The following HNRNPA3 variants were observed in gnomAD, a reference collection of about 807,000 sequenced individuals.
The protein encoded by HNRNPA3 is heterogeneous nuclear ribonucleoprotein A3.
Under a neutral mutation model 45.8 loss-of-function variants are expected in HNRNPA3, and 3 were observed. The ratio of observed to expected loss-of-function variants is 0.07; its 90% confidence interval spans 0.03 to 0.17. HNRNPA3 has a LOEUF of 0.17. HNRNPA3 is among the 10% of genes least tolerant of loss of function. The probability of loss-of-function intolerance (pLI) is 1.00; values close to 1 mark genes in which losing one functional copy is unlikely to be tolerated. For missense variants in HNRNPA3, 183 were observed against 480.3 expected (o/e 0.38, Z 5.79); for synonymous variants, 170 against 155.6 (o/e 1.09, Z -0.69).
At chr2:177,215,487 T>C in intron 1 of HNRNPA3, 52 bp from the exon 2 acceptor site, 2 of 1,581,646 alleles carry the variant, frequency 1.3e-6, no homozygotes, top group South Asian at 2.2e-5. Flanking sequence ...TCTTCGTGCA[T>C]CTTAATTCAT....
chr2:177,216,233 T>G, intron 4 of HNRNPA3, 45 bp downstream of exon 4: 1 of 1,317,710 alleles, frequency 7.6e-7, no homozygotes, highest in Non-Finnish European at 1.1e-6. Flanking sequence ...GTAGAACTGG[T>G]TTTTCTGTTT....
rs577533778 is a variant in HNRNPA3, at chr2:177,217,954, A to G, written c.961+109A>G. The G allele has an allele frequency of 3.7e-5, 41 of 1,105,840 alleles. No individual in the cohort carries two copies. In the South Asian group the frequency reaches 5.1e-4, roughly 14 times the overall value. The allele number at this position is 1,105,840 out of a possible 1,614,324, so 68.5% of individuals were successfully genotyped here. On this transcript the variant is annotated intron_variant, in intron 8 of 10. Transcript: ENST00000392524. The stretch of plus-strand genomic sequence containing the variant: ...AGCGTTTGATCAAATTTTATGTTCT[A>G]TAAGAAAAATACTAAAATGGTTGGT...
chr2:177,222,697 G>A (rs761036132), downstream of HNRNPA3: 6 of 152,344 alleles, frequency 3.9e-5, no homozygotes, highest in Non-Finnish European at 7.3e-5. Context: ...CCAGCTATTT[G>A]GGAGGCTGCC....
chr2:177,223,481 A>G (rs1020362391), downstream of HNRNPA3: 3 of 146,112 alleles, frequency 2.1e-5, no homozygotes. Context: ...TGCTTCTAAT[A>G]TTACACTTCT....
exon 11 of HNRNPA3, chr2:177,219,819 CTT>C (rs1196357320): frequency 6.6e-6 from 1 of 152,626 alleles, no homozygotes; most frequent in Non-Finnish European, 1.5e-5. Flanking sequence ...AGTACAGAAA[CTT>C]TAACAAAATG....
At chr2:177,216,413 T>C (rs773116942) in intron 4 of HNRNPA3, 90 bp from the exon 5 acceptor site, 88 of 903,814 alleles carry the variant, frequency 9.7e-5, no homozygotes, top group Non-Finnish European at 4.1e-5. Flanking sequence ...TATGTCTTAA[T>C]GGGTTACATA....
chr2:177,213,697 C>A (rs1351691438), intron 1 of HNRNPA3, among the ~76,000 whole-genome samples: 8 of 152,236 alleles, frequency 5.3e-5, no homozygotes, highest in Admixed American at 2.0e-4. Context: ...GCTCCGGCCG[C>A]TGAGGAGGGT....
chr2:177,223,053 G>A (rs552588798), downstream of HNRNPA3: 10 of 152,500 alleles, frequency 6.6e-5, no homozygotes, highest in Admixed American at 2.6e-4. Context: ...CAATTTAGTC[G>A]GATAGTTTAC....
intron 8 of HNRNPA3, 57 bp downstream of exon 8, chr2:177,217,902 C>T (rs1403677994): frequency 4.9e-6 from 7 of 1,414,698 alleles, no homozygotes; most frequent in Middle Eastern, 1.8e-4. Flanking sequence ...TAACAGTTCC[C>T]ATGACACATA....
At position 177,215,746 on chromosome 2, in the gene HNRNPA3, G is replaced by A; in HGVS notation, c.196-4G>A. On this transcript the variant is annotated splice_polypyrimidine_tract_variant and splice_region_variant and intron_variant, in intron 2 of 10. Transcript: ENST00000392524. ...TCAACGTTATAAAACTTTTTATTTT[G>A]TAGGTAATGAGAGACCCCCAAACAA... 1 of 1,610,686 alleles carries A rather than the reference G, an allele frequency of 6.2e-7. No individual in the cohort carries two copies. The highest frequency in any genetic ancestry group is 8.5e-7 in the Non-Finnish European group (1 of 1,178,982).
rs149890088 is a variant in HNRNPA3, at chr2:177,216,882, T to C, written c.762T>C (p.Gly254=). 1.1e-4 allele frequency: 173 copies of C among 1,607,960 alleles called. No individual in the cohort carries two copies. The African/African-American group carries it at 2.0e-3, about 19-fold the overall frequency. Reference sequence around the variant, plus strand: ...CAGGAGGCTATGGTGGTGGAGGTGGTGGCAGCAGAGGTAGTTATGGAGGAG... The same window carrying C: ...CAGGAGGCTATGGTGGTGGAGGTGGCGGCAGCAGAGGTAGTTATGGAGGAG... The change falls in exon 7 of 11, where the codon GGT becomes GGC. Residue 254 remains glycine, a synonymous_variant. Coordinates refer to ENST00000392524, the Ensembl canonical transcript of HNRNPA3.
rs762721047 is a variant in HNRNPA3, at chr2:177,216,206, G to A, written c.553+18G>A. The A allele has an allele frequency of 5.4e-6, 8 of 1,481,218 alleles. No homozygotes were observed. Among genetic ancestry groups the A allele is most frequent in the Non-Finnish European group, 7.4e-6 (8 of 1,081,156 alleles). The allele number at this position is 1,481,218 out of a possible 1,614,324, so 91.8% of individuals were successfully genotyped here. On this transcript the variant is annotated intron_variant, in intron 4 of 10. Coordinates refer to ENST00000392524, the Ensembl canonical transcript of HNRNPA3. ...AATTGTTGGTAAGTAGCAATTTATG[G>A]TAACTTGAATGAGAAAGTAGAACTG...
rs1322127575 is a variant in HNRNPA3, at chr2:177,212,876, TA to T, written c.72+6del. The T allele has an allele frequency of 8.9e-6, 13 of 1,454,624 alleles. No individual in the cohort carries two copies. The highest frequency in any genetic ancestry group is 2.9e-5 in the African/African-American group (2 of 68,792). 90.1% of individuals were successfully genotyped at this position (1,454,624 alleles called of 1,614,324 possible). ...CGTCGCCGCCGGGGGGAGGAGGTAT[TA>T]GGGGGAGAGCGGGGGGTTGGTGGGG... On this transcript the variant is annotated splice_donor_region_variant and intron_variant, in intron 1 of 10. Coordinates refer to ENST00000392524, the Ensembl canonical transcript of HNRNPA3.
In HNRNPA3 at chr2:177,215,704, A is replaced by G. The variant is rs755548751; in HGVS notation, c.195+43A>G. On this transcript the variant is annotated intron_variant, in intron 2 of 10. Coordinates refer to ENST00000392524, the Ensembl canonical transcript of HNRNPA3. ...CAGAAGGGTTCTAAGGGGTGTAGAG[A>G]ACCGGTGGAGGTGTTTTCAACGTTA... 16 of 1,572,050 alleles carry G rather than the reference A, an allele frequency of 1.0e-5. No individual in the cohort carries two copies. The Admixed American group carries it at 2.6e-4, about 26-fold the overall frequency.
At chr2:177,218,052 CTTT>C (rs58476089) in intron 8 of HNRNPA3, among the ~76,000 whole-genome samples, 536 of 102,022 alleles carry the variant, frequency 5.3e-3, no homozygotes, top group African/African-American at 0.018. Context: ...TCTCTTTTTT[CTTT>C]TTTTTTTTTT....
intron 1 of HNRNPA3, among the ~76,000 whole-genome samples, chr2:177,213,650 T>C (rs997113171): frequency 6.6e-6 from 1 of 152,242 alleles, no homozygotes; most frequent in Non-Finnish European, 1.5e-5. Flanking sequence ...AGAATTTGAG[T>C]GTAGATGTGA....
exon 7 of HNRNPA3, chr2:177,216,872 G>T (rs757223217): frequency 1.2e-6 from 2 of 1,609,922 alleles, no homozygotes; most frequent in African/African-American, 2.7e-5. Flanking sequence ...GGCTATGGTG[G>T]TGGAGGTGGT....
intron 1 of HNRNPA3, among the ~76,000 whole-genome samples, chr2:177,213,125 C>A (rs565758382): frequency 6.6e-6 from 1 of 151,438 alleles, no homozygotes; most frequent in Non-Finnish European, 1.5e-5. Context: ...GGAAGCCGGC[C>A]TGCCGGCTGC....
intron 4 of HNRNPA3, 145 bp from the exon 5 acceptor site, chr2:177,216,356 CAT>C (rs1688934853): frequency 8.2e-6 from 6 of 728,316 alleles, no homozygotes; most frequent in East Asian, 2.7e-5. Flanking sequence ...AAGAAATAAA[CAT>C]AAACATCTCA....
Sources: allele counts gnomAD v4.1 joint callset (sites outside exome capture counted in the v4.1 genomes callset), GRCh38; gene constraint gnomAD v4.1.1; transcripts MANE v1.5; gene names NCBI Gene and HGNC (gene_info 2026-07-23, HGNC 2026-07-21).